The following OCA2 variants were observed in gnomAD, a reference collection of about 807,000 sequenced individuals.
OCA2 encodes OCA2 melanosomal transmembrane protein, also known as P protein.
OCA2 carries 77 observed loss-of-function variants against 100.2 expected under a neutral mutation model. That is an observed-to-expected ratio of 0.77 (90% CI 0.64 to 0.93). The LOEUF is 0.93. Ranked by LOEUF, OCA2 falls within the 40% of genes least tolerant of loss-of-function variation. OCA2 has a pLI of 0.00. For missense variants in OCA2, 1,062 were observed against 1,089.1 expected, an observed-to-expected ratio of 0.98 and a Z score of 0.35; for synonymous variants, 432 against 439.2, an observed-to-expected ratio of 0.98 and a Z score of 0.21.
chr15:27,912,936 C>T (rs1237429484), intron 19 of OCA2, among the ~76,000 whole-genome samples: 1 of 152,208 alleles, frequency 6.6e-6, no homozygotes, highest in Non-Finnish European at 1.5e-5. Context: ...AGACAAGGCA[C>T]ATCACCTCTG....
At chr15:27,859,327 C>A (rs1266573477) in intron 21 of OCA2, among the ~76,000 whole-genome samples, 11 of 151,976 alleles carry the variant, frequency 7.2e-5, no homozygotes, top group Non-Finnish European at 1.6e-4. Flanking sequence ...AAATCAAAAA[C>A]TAAAGTGGAA....
At chr15:28,068,978 C>A (rs2044109275) in intron 2 of OCA2, among the ~76,000 whole-genome samples, 1 of 152,274 alleles carries the variant, frequency 6.6e-6, no homozygotes, top group Admixed American at 6.5e-5. Context: ...AACCTACAGC[C>A]AGCATCATAC....
At chr15:27,983,294 T>G in intron 14 of OCA2, 51 bp downstream of exon 14, 1 of 1,611,322 alleles carries the variant, frequency 6.2e-7, no homozygotes, top group Non-Finnish European at 8.5e-7. Context: ...GAGCTCTAAC[T>G]AAGTGGAGGT....
chr15:28,056,520 G>A (rs2043703416), intron 2 of OCA2, among the ~76,000 whole-genome samples: 1 of 152,256 alleles, frequency 6.6e-6, no homozygotes, highest in Non-Finnish European at 1.5e-5. Flanking sequence ...CCTGCTCAGG[G>A]ACATCTGCAC....
At chr15:27,770,453 C>G (rs969097795) in intron 23 of OCA2, among the ~76,000 whole-genome samples, 1 of 152,216 alleles carries the variant, frequency 6.6e-6, no homozygotes, top group Non-Finnish European at 1.5e-5. Context: ...CCCTGAGAAC[C>G]GGCATCCACA....
At chr15:27,752,830 T>G, downstream of OCA2, among the ~76,000 whole-genome samples, 1 of 47,234 alleles carries the variant, frequency 2.1e-5, no homozygotes, top group Admixed American at 3.2e-4. Flanking sequence ...GGCCCACAGC[T>G]GCCTCCTCTC....
chr15:27,986,546 A>G, intron 12 of OCA2, 41 bp downstream of exon 12: 2 of 1,161,372 alleles, frequency 1.7e-6, no homozygotes, highest in Non-Finnish European at 2.6e-6. Context: ...ACATATATAA[A>G]TTAATCAGGA....
chr15:27,940,196 T>C (rs1273441957), intron 18 of OCA2, among the ~76,000 whole-genome samples: 3 of 152,242 alleles, frequency 2.0e-5, no homozygotes, highest in African/African-American at 7.2e-5. Context: ...CTATGTAATA[T>C]TCTAAAGTAC....
intron 2 of OCA2, among the ~76,000 whole-genome samples, chr15:28,060,899 C>T (rs1390141568): frequency 2.6e-5 from 4 of 152,202 alleles, no homozygotes; most frequent in Admixed American, 2.6e-4. Flanking sequence ...CTACCCCTCT[C>T]ACAGGTACCA....
chr15:27,803,481 T>A (rs1466921822), intron 23 of OCA2, among the ~76,000 whole-genome samples: 2 of 152,170 alleles, frequency 1.3e-5, no homozygotes, highest in African/African-American at 2.4e-5. Flanking sequence ...AATAAGCCCA[T>A]CACGAAATGA....
At chr15:27,921,688 A>C (rs1019961223) in intron 19 of OCA2, among the ~76,000 whole-genome samples, 1 of 152,124 alleles carries the variant, frequency 6.6e-6, no homozygotes, top group African/African-American at 2.4e-5. Flanking sequence ...ATAAACAGTC[A>C]ATTAACACAT....
chr15:27,928,944 A>C (rs1270122613), intron 18 of OCA2, among the ~76,000 whole-genome samples: 1 of 152,224 alleles, frequency 6.6e-6, no homozygotes, highest in Non-Finnish European at 1.5e-5. Flanking sequence ...ATGGCCATTA[A>C]TATCAGGGAC....
At chr15:27,909,093 C>T (rs944094923) in intron 19 of OCA2, among the ~76,000 whole-genome samples, 13 of 152,056 alleles carry the variant, frequency 8.5e-5, no homozygotes, top group African/African-American at 2.7e-4. Context: ...AAACCAATGG[C>T]CTCTATATAC....
chr15:27,989,688 G>T, intron 10 of OCA2, 22 bp from the exon 11 acceptor site: 3 of 1,612,650 alleles, frequency 1.9e-6, no homozygotes, highest in Non-Finnish European at 2.5e-6. Flanking sequence ...GCACAAATTT[G>T]CCAATTAATC....
At chr15:27,744,369 G>A in the OCA2 span, among the ~76,000 whole-genome samples, 1 of 152,228 alleles carries the variant, frequency 6.6e-6, no homozygotes, top group South Asian at 2.1e-4. Flanking sequence ...CAGGGATGGA[G>A]AAAGCAAGAG....
intron 21 of OCA2, among the ~76,000 whole-genome samples, chr15:27,870,154 C>T (rs1567041537): frequency 6.6e-6 from 1 of 152,208 alleles, no homozygotes; most frequent in African/African-American, 2.4e-5. Context: ...CTGCTCCAGC[C>T]CGGGGGTGCC....
At chr15:27,891,920 T>C (rs766237866) in intron 19 of OCA2, among the ~76,000 whole-genome samples, 20 of 152,040 alleles carry the variant, frequency 1.3e-4, no homozygotes, top group South Asian at 2.1e-4. Context: ...CAAGAGACTA[T>C]ATTAATACCA....
Position 27,934,678 on chromosome 15 carries a change from T to G in OCA2, c.1952-8424A>C, listed in dbSNP as rs112503079. 5.6e-3 allele frequency among the ~76,000 whole-genome samples: 851 copies of G among 152,290 alleles called. 12 individuals carry two copies. Among genetic ancestry groups the G allele is most frequent in the African/African-American group, 0.019 (808 of 41,558 alleles). ...TCATGACAAAAAGCTGGAAGGTCCT[T>G]TAGGGCTCTTTTTATAGTTCTGCTT... On this transcript the variant is annotated intron_variant, in intron 18 of 23. Coordinates refer to ENST00000354638, the MANE Select transcript of OCA2 (RefSeq NM_000275.3).
chr15:27,737,260 T>C, the OCA2 span, among the ~76,000 whole-genome samples: 2 of 152,168 alleles, frequency 1.3e-5, no homozygotes, highest in East Asian at 3.8e-4. Context: ...AATGCAATTG[T>C]AATCAAAATC....
Sources: allele counts gnomAD v4.1 joint callset (sites outside exome capture counted in the v4.1 genomes callset), GRCh38; gene constraint gnomAD v4.1.1; transcripts MANE v1.5; gene names NCBI Gene and HGNC (gene_info 2026-07-23, HGNC 2026-07-21).